Variants in SPATA31C1 observed in about 807,000 individuals in gnomAD.
The protein encoded by SPATA31C1 is spermatogenesis-associated protein 31C1.
intron 2 of SPATA31C1, 93 bp from the exon 2 acceptor site, chr9:87,919,162 G>C: frequency 2.6e-6 from 4 of 1,565,128 alleles, no homozygotes; most frequent in Non-Finnish European, 3.5e-6. Flanking sequence ...GAGCAAGACA[G>C]ACAGAGCCAT....
rs71279173 is a variant in SPATA31C1 at position 87,915,534 on chromosome 9, T to C, written n.189+824T>C. On this transcript the variant is annotated intron_variant and non_coding_transcript_variant, in intron 1 of 4. Coordinates refer to ENST00000420021, the Ensembl canonical transcript of SPATA31C1. ...CAGGCTGGTCTCAAACTCTTGACTT[T>C]AGGTGATCCACCTGCCTCGGCCTCC... 1.4e-3 allele frequency among the ~76,000 whole-genome samples: 203 copies of C among 144,436 alleles called. 2 individuals are homozygous for C. Among genetic ancestry groups the C allele is most frequent in the African/African-American group, 4.7e-3 (185 of 39,228 alleles). The allele number at this position is 144,436 out of a possible 152,430, so 94.8% of individuals were successfully genotyped here.
exon 5 of SPATA31C1, chr9:87,921,690 G>C: frequency 1.2e-6 from 2 of 1,612,060 alleles, no homozygotes; most frequent in Non-Finnish European, 1.7e-6. Flanking sequence ...CCAGACCAAC[G>C]AGGGCTTGAT....
chr9:87,920,620 C>A (rs1186931282), exon 5 of SPATA31C1: 1 of 1,613,836 alleles, frequency 6.2e-7, no homozygotes, highest in East Asian at 2.2e-5. Context: ...GGCTTCACTC[C>A]TCCTCCCCTG....
chr9:87,922,596 G>T (rs1234645265), exon 5 of SPATA31C1: 2 of 1,609,150 alleles, frequency 1.2e-6, no homozygotes, highest in African/African-American at 2.7e-5. Context: ...TGTGCCCCAT[G>T]CTTCAGAGAA....
At chr9:87,917,289 C>T (rs1434518389) in intron 1 of SPATA31C1, among the ~76,000 whole-genome samples, 10 of 145,584 alleles carry the variant, frequency 6.9e-5, no homozygotes, top group South Asian at 2.2e-4. Flanking sequence ...TGGTGGTGGG[C>T]GCCTGTAGTC....
exon 5 of SPATA31C1, chr9:87,923,490 TTTCAGGG>T (rs1458670423): frequency 1.1e-5 from 17 of 1,565,448 alleles, no homozygotes; most frequent in Non-Finnish European, 1.4e-5. Context: ...GCACTGTCTT[TTTCAGGG>T]AGGTATCTAA....
chr9:87,920,422 A>C (rs1828820040), exon 5 of SPATA31C1: 1 of 1,613,832 alleles, frequency 6.2e-7, no homozygotes, highest in Non-Finnish European at 8.5e-7. Context: ...CCTCGAACCA[A>C]GCATCCTCAG....
At chr9:87,921,120 A>G in exon 5 of SPATA31C1, 2 of 1,611,784 alleles carry the variant, frequency 1.2e-6, no homozygotes, top group Non-Finnish European at 1.7e-6. Flanking sequence ...GCACCCTGAA[A>G]GGCCTTTGTT....
In SPATA31C1 at chr9:87,921,752, A is replaced by C. The variant is rs612703; in HGVS notation, n.2142A>C. 728 of 1,611,998 alleles carry C rather than the reference A, an allele frequency of 4.5e-4. 3 individuals carry two copies. The highest frequency in any genetic ancestry group is 2.0e-3 in the African/African-American group (153 of 74,970). ...TTGCTGTCAACCAGGCTTTTCCCGT[A>C]TCCAACACCCACGTGAAAACCAGCA... On this transcript the variant is annotated non_coding_transcript_exon_variant, in exon 5 of 5. Transcript: ENST00000420021.
exon 5 of SPATA31C1, chr9:87,922,701 A>G: frequency 8.7e-6 from 14 of 1,607,572 alleles, no homozygotes; most frequent in Non-Finnish European, 1.2e-5. Context: ...GTCAGCCAGA[A>G]GGAGTAACAT....
At chr9:87,923,380 C>T (rs1345637244) in exon 5 of SPATA31C1, 12 of 1,602,454 alleles carry the variant, frequency 7.5e-6, no homozygotes, top group Non-Finnish European at 1.0e-5. Context: ...CTGCGACATC[C>T]CCAACTCTTG....
exon 5 of SPATA31C1, chr9:87,922,452 T>A (rs1203848516): frequency 6.2e-7 from 1 of 1,610,326 alleles, no homozygotes; most frequent in Non-Finnish European, 8.5e-7. Context: ...AATGTCTGTC[T>A]CCCAAGACCC....
At position 87,921,734 on chromosome 9, in the gene SPATA31C1, C is replaced by T. The variant is rs778542789; in HGVS notation, n.2124C>T. 2.6e-5 allele frequency: 42 copies of T among 1,611,960 alleles called. 1 individual carries two copies. ...GTGTGCGTCGATCCTGGCTTGCTGT[C>T]AACCAGGCTTTTCCCGTATCCAACA... On this transcript the variant is annotated non_coding_transcript_exon_variant, in exon 5 of 5. Coordinates refer to ENST00000420021, the Ensembl canonical transcript of SPATA31C1.
chr9:87,922,112 G>A, exon 5 of SPATA31C1: 1 of 1,613,858 alleles, frequency 6.2e-7, no homozygotes, highest in South Asian at 1.1e-5. Flanking sequence ...ACATGCCAGA[G>A]AGGCTTCAGG....
At chr9:87,916,418 C>A (rs1455158577) in intron 1 of SPATA31C1, among the ~76,000 whole-genome samples, 1 of 147,210 alleles carries the variant, frequency 6.8e-6, no homozygotes, top group African/African-American at 2.5e-5. Context: ...AAACTTTTGC[C>A]CTGCATAAGA....
Position 87,919,235 on chromosome 9 carries a change from C to G in SPATA31C1, n.523-56C>G, listed in dbSNP as rs532326419. On this transcript the variant is annotated intron_variant and non_coding_transcript_variant, in intron 2 of 4. Coordinates refer to ENST00000420021, the Ensembl canonical transcript of SPATA31C1. ...AGAGGGAGAGCCGGTCCTAGCTCCT[C>G]GCCATTTCTTGTCTCCCAGCGTCAT... 17 of 661,278 alleles carry G rather than the reference C, an allele frequency of 2.6e-5. No homozygotes were observed. The highest frequency in any genetic ancestry group is 1.2e-4 in the African/African-American group (2 of 17,152). 41.0% of individuals were successfully genotyped at this position (661,278 alleles called of 1,614,324 possible).
At chr9:87,919,213 G>A (rs749269539) in intron 2 of SPATA31C1, 42 bp from the exon 2 acceptor site, 13 of 1,489,268 alleles carry the variant, frequency 8.7e-6, no homozygotes, top group Non-Finnish European at 1.1e-5. Context: ...GGGGCAGAGA[G>A]GGAGAGCCGG....
chr9:87,922,080 G>A (rs1828889783), exon 5 of SPATA31C1: 1 of 1,613,884 alleles, frequency 6.2e-7, no homozygotes, highest in African/African-American at 1.3e-5. Flanking sequence ...GAGAAAGCAA[G>A]TGCTGACCAA....
At chr9:87,919,592 G>T (rs1025991499) in intron 3 of SPATA31C1, among the ~76,000 whole-genome samples, 1 of 83,084 alleles carries the variant, frequency 1.2e-5, no homozygotes, top group African/African-American at 4.7e-5. Flanking sequence ...GATGCGGAGG[G>T]GGGTGAGGGG....
Sources: allele counts gnomAD v4.1 joint callset (sites outside exome capture counted in the v4.1 genomes callset), GRCh38; gene constraint gnomAD v4.1.1; transcripts MANE v1.5; gene names NCBI Gene and HGNC (gene_info 2026-07-23, HGNC 2026-07-21).